The following FRRS1 variants were observed in gnomAD, a reference collection of about 807,000 sequenced individuals.
FRRS1 encodes the protein ferric chelate reductase 1.
In FRRS1, 51 loss-of-function variants were observed where a neutral mutation model predicts 70.7. The observed-to-expected ratio is 0.72, with a 90% confidence interval of 0.58 to 0.91. The LOEUF (loss-of-function observed/expected upper bound fraction) is 0.91. Ranked by LOEUF, FRRS1 falls within the 40% of genes least tolerant of loss-of-function variation. The pLI is 0.00. For missense variants in FRRS1, 672 were observed against 726.0 expected (o/e 0.93, Z 0.86); for synonymous variants, 225 against 238.7 (o/e 0.94, Z 0.53).
rs1434075642 is a variant in FRRS1 at position 99,707,595 on chromosome 1, A to C, written c.*1433T>G. Among the ~76,000 whole-genome samples, 1 of 152,144 alleles carries C rather than the reference A, an allele frequency of 6.6e-6. No homozygotes were observed. The highest frequency in any genetic ancestry group is 1.5e-5 in the Non-Finnish European group (1 of 68,006). On this transcript the variant is annotated 3_prime_UTR_variant, in exon 17 of 17. Transcript: ENST00000646001. ...GTTTTAACCCTTACCCCAACCACCC[A>C]AAAAAAGTAGCCATTTTTAAAATAA... is the stretch of plus-strand genomic sequence containing the variant.
chr1:99,731,045 G>T (rs1655357076), intron 7 of FRRS1, among the ~76,000 whole-genome samples: 1 of 151,670 alleles, frequency 6.6e-6, no homozygotes, highest in South Asian at 2.1e-4. Flanking sequence ...CCAAAAAAGA[G>T]AAATAAAACA....
intron 1 of FRRS1, among the ~76,000 whole-genome samples, chr1:99,758,868 C>T (rs1656978295): frequency 6.6e-6 from 1 of 152,094 alleles, no homozygotes; most frequent in African/African-American, 2.4e-5. Flanking sequence ...CTATAAATGG[C>T]CGCTCTGGGA....
chr1:99,718,474 G>A lies in FRRS1; in HGVS notation c.1121-949C>T, dbSNP rs371836287. The stretch of plus-strand genomic sequence containing the variant: ...CTCCCAAGTAGCTGGGACTACAGGC[G>A]TACACCACCATGGCTGGCTAATTTC... On this transcript the variant is annotated intron_variant, in intron 10 of 16. Coordinates refer to ENST00000646001, the MANE Select transcript of FRRS1 (RefSeq NM_001361041.2). 3.2e-3 allele frequency among the ~76,000 whole-genome samples: 482 copies of A among 152,124 alleles called. 2 individuals carry two copies. The highest frequency in any genetic ancestry group is 0.011 in the African/African-American group (456 of 41,512).
At chr1:99,741,442 G>A (rs1362474761) in intron 5 of FRRS1, among the ~76,000 whole-genome samples, 3 of 152,160 alleles carry the variant, frequency 2.0e-5, no homozygotes, top group South Asian at 2.1e-4. Context: ...GGGGACCCAC[G>A]CACAAAGTGA....
intron 1 of FRRS1, among the ~76,000 whole-genome samples, chr1:99,764,840 T>C (rs575073835): frequency 5.9e-5 from 9 of 152,334 alleles, no homozygotes; most frequent in African/African-American, 1.7e-4. Context: ...AAGTCTCCCA[T>C]ATAAAACTGT....
intron 4 of FRRS1, among the ~76,000 whole-genome samples, chr1:99,746,112 G>A (rs1656251460): frequency 6.6e-6 from 1 of 152,142 alleles, no homozygotes; most frequent in Non-Finnish European, 1.5e-5. Flanking sequence ...CACAGGAACA[G>A]CCTAATACAA....
At chr1:99,713,991 G>T (rs1479543888) in intron 12 of FRRS1, among the ~76,000 whole-genome samples, 1 of 152,058 alleles carries the variant, frequency 6.6e-6, no homozygotes, top group Non-Finnish European at 1.5e-5. Context: ...AGCATGCCTG[G>T]CATGTCTGCA....
intron 1 of FRRS1, among the ~76,000 whole-genome samples, chr1:99,757,761 A>G (rs1167230111): frequency 6.6e-6 from 1 of 151,954 alleles, no homozygotes; most frequent in Admixed American, 6.6e-5. Flanking sequence ...CAATGGCATT[A>G]TTTTCTTTTA....
At position 99,717,509 on chromosome 1, in the gene FRRS1, C is replaced by T. The variant is rs1172936565; in HGVS notation, c.1137G>A (p.Val379=). The change falls in exon 11 of 17, where the codon GTG becomes GTA. Residue 379 remains valine, a synonymous_variant. Transcript: ENST00000646001. ...LLKVHGALMF[V]AWMTTVSIGV... is the part of the protein sequence containing the mutation. ...CTATGCTAACAGTAGTCATCCATGC[C>T]ACAAACATTAAGGCACCTACAAGTG... 1.2e-6 allele frequency: 2 copies of T among 1,612,728 alleles called. No individual in the cohort carries two copies. Among genetic ancestry groups the T allele is most frequent in the South Asian group, 1.1e-5 (1 of 91,052 alleles).
intron 7 of FRRS1, among the ~76,000 whole-genome samples, chr1:99,731,002 C>T (rs1034422744): frequency 1.3e-5 from 2 of 152,028 alleles, no homozygotes; most frequent in Non-Finnish European, 2.9e-5. Flanking sequence ...TGCCACTGCA[C>T]ACCAGCCTGG....
rs1654005639 is a variant in FRRS1 at position 99,705,255 on chromosome 1, G to C, written c.*3773C>G. ...TTCCACACCCTGCAAGGGGGACAAG[G>C]GAACATTTCCCGTTTCACTGAGAAG... On this transcript the variant is annotated 3_prime_UTR_variant, in exon 17 of 17. Coordinates refer to ENST00000646001, the MANE Select transcript of FRRS1 (RefSeq NM_001361041.2). Among the ~76,000 whole-genome samples the C allele has an allele frequency of 6.6e-6, 1 of 152,154 alleles. No homozygotes were observed. The highest frequency in any genetic ancestry group is 2.1e-4 in the South Asian group (1 of 4,834).
Position 99,727,843 on chromosome 1 carries a change from T to C in FRRS1, c.1006+650A>G, listed in dbSNP as rs574331946. Among the ~76,000 whole-genome samples the C allele has an allele frequency of 2.0e-5, 3 of 152,342 alleles. No individual in the cohort carries two copies. The South Asian group carries it at 6.2e-4, about 32-fold the overall frequency. On this transcript the variant is annotated intron_variant, in intron 9 of 16. Coordinates refer to ENST00000646001, the MANE Select transcript of FRRS1 (RefSeq NM_001361041.2). ...TTATTCCTATTAATATGTGTTGCAA[T>C]ATCCACCAGTGTAGTCTTCTTGAGA... is the stretch of plus-strand genomic sequence containing the variant.
intron 1 of FRRS1, among the ~76,000 whole-genome samples, chr1:99,764,646 T>C (rs1378467243): frequency 3.3e-5 from 5 of 152,156 alleles, no homozygotes; most frequent in Non-Finnish European, 7.4e-5. Flanking sequence ...CAGACCTAGG[T>C]TTGAATCTGT....
intron 1 of FRRS1, among the ~76,000 whole-genome samples, chr1:99,757,820 C>T (rs1656911306): frequency 6.6e-6 from 1 of 151,952 alleles, no homozygotes; most frequent in Non-Finnish European, 1.5e-5. Flanking sequence ...CTTAAACATG[C>T]TTTTATTTCT....
intron 10 of FRRS1, among the ~76,000 whole-genome samples, chr1:99,718,882 C>G (rs1351752879): frequency 6.6e-6 from 1 of 151,972 alleles, no homozygotes; most frequent in African/African-American, 2.4e-5. Context: ...TAAATTAACC[C>G]AGTAACACTT....
At chr1:99,733,203 G>A (rs936899113) in intron 7 of FRRS1, among the ~76,000 whole-genome samples, 3 of 152,144 alleles carry the variant, frequency 2.0e-5, no homozygotes, top group African/African-American at 7.2e-5. Context: ...TGTGAAGGAT[G>A]AAATGAAAGA....
chr1:99,712,132 T>C lies in FRRS1; in HGVS notation c.1453A>G (p.Met485Val). The C allele has an allele frequency of 6.2e-7, 1 of 1,610,974 alleles. No individual in the cohort carries two copies. Residue 485 changes from methionine (M) to valine (V), a missense_variant, in exon 14 of 17, where the codon ATG (methionine) becomes GTG (valine). Physicochemically the swap from Met to Val is conservative, Grantham distance 21. Coordinates refer to ENST00000646001, the MANE Select transcript of FRRS1 (RefSeq NM_001361041.2). ...RQMFNWTHWSMGTAARIIAVA... is the reference protein window; with the variant it reads ...RQMFNWTHWSVGTAARIIAVA... ...GCTATTATTCTAGCAGCTGTTCCCA[T>C]ACTCCAATGAGTCCAGTTAAACATT...
chr1:99,762,041 T>C (rs1427281893), intron 1 of FRRS1, among the ~76,000 whole-genome samples: 1 of 152,148 alleles, frequency 6.6e-6, no homozygotes, highest in Non-Finnish European at 1.5e-5. Flanking sequence ...AAATGAGAGG[T>C]GAAAAGTATG....
chr1:99,764,493 T>C (rs1479636973), intron 1 of FRRS1, among the ~76,000 whole-genome samples: 2 of 152,228 alleles, frequency 1.3e-5, no homozygotes, highest in South Asian at 2.1e-4. Context: ...TTTTCTTTTT[T>C]CTATTTTCAA....
Sources: allele counts gnomAD v4.1 joint callset (sites outside exome capture counted in the v4.1 genomes callset), GRCh38; gene constraint gnomAD v4.1.1; transcripts MANE v1.5; gene names NCBI Gene and HGNC (gene_info 2026-07-23, HGNC 2026-07-21).